The following CAMK2D variants were observed in gnomAD, a reference collection of about 807,000 sequenced individuals.
CAMK2D encodes calcium/calmodulin-dependent protein kinase type II subunit delta.
Under a neutral mutation model 84.0 loss-of-function variants are expected in CAMK2D, and 37 were observed. The ratio of observed to expected loss-of-function variants is 0.44; its 90% CI spans 0.34 to 0.58. The LOEUF is 0.58. CAMK2D is among the 20% of genes least tolerant of loss of function. CAMK2D has a pLI of 0.02. For missense variants in CAMK2D, 448 were observed against 652.5 expected, an observed-to-expected ratio of 0.69 and a Z score of 3.41; for synonymous variants, 202 against 212.5, an observed-to-expected ratio of 0.95 and a Z score of 0.43.
chr4:113,716,371 T>C (rs567778036), intron 2 of CAMK2D, among the ~76,000 whole-genome samples: 1 of 152,220 alleles, frequency 6.6e-6, no homozygotes, highest in East Asian at 1.9e-4. Flanking sequence ...AAGCTTGGGC[T>C]GGGCATGGTG....
At chr4:113,555,958 T>C (rs1320814304) in intron 4 of CAMK2D, among the ~76,000 whole-genome samples, 1 of 152,022 alleles carries the variant, frequency 6.6e-6, no homozygotes, top group Non-Finnish European at 1.5e-5. Context: ...AAAAAGTCAG[T>C]AGCCTGCAAT....
intron 4 of CAMK2D, among the ~76,000 whole-genome samples, chr4:113,553,277 T>C (rs188414488): frequency 6.6e-6 from 1 of 152,196 alleles, no homozygotes; most frequent in Admixed American, 6.5e-5. Context: ...ACTCCACAGC[T>C]CATGCCCTCA....
intron 2 of CAMK2D, among the ~76,000 whole-genome samples, chr4:113,722,411 CA>C (rs1369453580): frequency 1.3e-5 from 2 of 152,212 alleles, no homozygotes; most frequent in African/African-American, 4.8e-5. Flanking sequence ...TGCTGGGTCT[CA>C]AAAATGCTCC....
intron 16 of CAMK2D, among the ~76,000 whole-genome samples, chr4:113,468,468 G>A (rs567885689): frequency 6.6e-6 from 1 of 152,336 alleles, no homozygotes; most frequent in South Asian, 2.1e-4. Flanking sequence ...GCTTGAGTGA[G>A]TCACAGGCGG....
intron 14 of CAMK2D, among the ~76,000 whole-genome samples, chr4:113,503,481 G>A (rs1040017718): frequency 5.9e-5 from 9 of 151,816 alleles, no homozygotes; most frequent in African/African-American, 2.2e-4. Context: ...AGAGCCATTG[G>A]ACAACACTTA....
chr4:113,513,136 G>A (rs1309035811), intron 12 of CAMK2D, 192 bp downstream of exon 12: 3 of 982,780 alleles, frequency 3.1e-6, no homozygotes, highest in African/African-American at 1.7e-5. Flanking sequence ...ACGGAGGCTC[G>A]GCAGCAGACA....
chr4:113,657,603 T>C lies in CAMK2D; in HGVS notation c.220+4110A>G, dbSNP rs551391948. Reference sequence around the variant, plus strand: ...CAGGTTTCTTCTTTATACAATGTTGTATTTTCCAAATTTTCCACTAACAGT... The same window carrying C: ...CAGGTTTCTTCTTTATACAATGTTGCATTTTCCAAATTTTCCACTAACAGT... On this transcript the variant is annotated intron_variant, in intron 3 of 20. Transcript: ENST00000511664. 2.0e-5 allele frequency among the ~76,000 whole-genome samples: 3 copies of C among 152,320 alleles called. No homozygotes were observed. The East Asian group carries it at 5.8e-4, about 29-fold the overall frequency.
intron 4 of CAMK2D, among the ~76,000 whole-genome samples, chr4:113,596,535 T>G (rs1174062154): frequency 6.6e-6 from 1 of 152,218 alleles, no homozygotes; most frequent in Non-Finnish European, 1.5e-5. Context: ...ATATGACTCA[T>G]TGACCCAGAG....
intron 8 of CAMK2D, among the ~76,000 whole-genome samples, chr4:113,529,657 A>G (rs1282892558): frequency 6.6e-6 from 1 of 152,200 alleles, no homozygotes; most frequent in Non-Finnish European, 1.5e-5. Flanking sequence ...ACTGTGGGTG[A>G]AAATCCTCCC....
At chr4:113,595,612 C>T (rs2098921903) in intron 4 of CAMK2D, among the ~76,000 whole-genome samples, 1 of 152,024 alleles carries the variant, frequency 6.6e-6, no homozygotes, top group South Asian at 2.1e-4. Flanking sequence ...CACACCACCA[C>T]AATAAAGCAA....
intron 3 of CAMK2D, among the ~76,000 whole-genome samples, chr4:113,646,856 G>A (rs116658852): frequency 6.6e-6 from 1 of 152,168 alleles, no homozygotes; most frequent in Non-Finnish European, 1.5e-5. Flanking sequence ...GAGTAATCCT[G>A]TTAAAATTAA....
intron 4 of CAMK2D, among the ~76,000 whole-genome samples, chr4:113,595,491 A>G (rs1254560606): frequency 6.6e-6 from 1 of 151,762 alleles, no homozygotes; most frequent in Non-Finnish European, 1.5e-5. Flanking sequence ...TGTATAAGTG[A>G]AATAAATAAC....
intron 16 of CAMK2D, among the ~76,000 whole-genome samples, chr4:113,488,539 T>G (rs17629880): frequency 0.062 from 9,380 of 152,224 alleles, 584 homozygotes; most frequent in East Asian, 0.21. Context: ...ATTCTTAAAG[T>G]TAATTCTTAA....
chr4:113,712,396 T>C (rs1289273219), intron 2 of CAMK2D, among the ~76,000 whole-genome samples: 1 of 152,136 alleles, frequency 6.6e-6, no homozygotes, highest in African/African-American at 2.4e-5. Flanking sequence ...TGATGGGAAA[T>C]AGTGTTTCCC....
At chr4:113,672,577 G>T (rs558070043) in intron 2 of CAMK2D, among the ~76,000 whole-genome samples, 2 of 151,532 alleles carry the variant, frequency 1.3e-5, no homozygotes, top group South Asian at 4.2e-4. Context: ...CCTTTGAATT[G>T]AAAAAAGAAA....
chr4:113,735,289 GAAAAAAAAAA>G (rs769117708), intron 2 of CAMK2D, among the ~76,000 whole-genome samples: 69 of 44,760 alleles, frequency 1.5e-3, no homozygotes, highest in Middle Eastern at 0.015. Flanking sequence ...ATCTCTACAG[GAAAAAAAAAA>G]AAAAAAAAAA....
rs572262446 is a variant in CAMK2D at position 113,506,638 on chromosome 4, A to T, written c.985-1603T>A. Among the ~76,000 whole-genome samples the T allele has an allele frequency of 7.2e-5, 11 of 152,342 alleles. No individual in the cohort carries two copies. The East Asian group carries it at 2.1e-3, about 29-fold the overall frequency. On this transcript the variant is annotated intron_variant, in intron 13 of 20. Transcript: ENST00000511664. ...TTCCTATTCGGGAAACATGCTAGGC[A>T]AAACATAGCCGGCTTCCTGTCAAAT...
At chr4:113,583,291 CATTGGATGTAT>C (rs2098819131) in intron 4 of CAMK2D, among the ~76,000 whole-genome samples, 1 of 152,152 alleles carries the variant, frequency 6.6e-6, no homozygotes, top group Non-Finnish European at 1.5e-5. Flanking sequence ...CATTTATGAG[CATTGGATGTAT>C]TTCATGTGGT....
chr4:113,635,150 T>C (rs1473619197), intron 3 of CAMK2D, among the ~76,000 whole-genome samples: 1 of 152,204 alleles, frequency 6.6e-6, no homozygotes, highest in Non-Finnish European at 1.5e-5. Flanking sequence ...ATCTGACCTA[T>C]GAGAAAGAAA....
Sources: gnomAD v4.1 joint callset for allele counts (sites outside exome capture counted in the v4.1 genomes callset) on GRCh38, gnomAD v4.1.1 for gene constraint, MANE v1.5 for transcripts, NCBI Gene and HGNC (gene_info 2026-07-23, HGNC 2026-07-21) for gene names.